AMZ1: variants seen among roughly 807,000 people sequenced by gnomAD.
AMZ1 encodes archaelysin family metallopeptidase 1.
AMZ1 carries 39 observed loss-of-function variants against 29.9 expected under a neutral mutation model. That is an observed-to-expected ratio of 1.30 (90% confidence interval 1.01 to 1.70). AMZ1 has a LOEUF of 1.70. Among genes scored for constraint, AMZ1 ranks in the 40% most tolerant of loss-of-function variants. The pLI is 0.00. For synonymous variants in AMZ1, 458 were observed against 304.0 expected (o/e 1.51, Z -5.27); for missense variants, 1,041 against 680.6 (o/e 1.53, Z -5.89).
chr7:2,762,909 G>A (rs931005904), upstream of AMZ1: 3 of 1,417,870 alleles, frequency 2.1e-6, no homozygotes, highest in African/African-American at 2.9e-5. Flanking sequence ...GCGGGGAGAA[G>A]AGGCCACAGG....
upstream of AMZ1, among the ~76,000 whole-genome samples, chr7:2,687,422 G>A (rs1030787623): frequency 2.0e-5 from 3 of 152,198 alleles, no homozygotes; most frequent in African/African-American, 7.2e-5. Flanking sequence ...GGGCATTTCT[G>A]CACGGTGAAG....
downstream of AMZ1, among the ~76,000 whole-genome samples, chr7:2,722,274 ATTTT>A (rs57939882): frequency 2.1e-5 from 3 of 145,428 alleles, no homozygotes; most frequent in South Asian, 4.4e-4. Flanking sequence ...GGCATTTCGA[ATTTT>A]TTTTTTTTTT....
In AMZ1 at chr7:2,709,123, C is replaced by T. The variant is rs769751094; in HGVS notation, c.650C>T (p.Ser217Leu). ...CGGTTCTCAGGGGAATTCCCGAAGT[C>T]GGGGCCCAGCGCCCCTGATCTGGCC... ...FARFSGEFPK[S>L]GPSAPDLALV... Residue 217 changes from serine to leucine, a missense_variant, in exon 5 of 7, where the codon TCG becomes TTG. Ser to Leu is a moderately radical substitution (Grantham distance 145). Coordinates refer to ENST00000683327, the MANE Select transcript of AMZ1 (RefSeq NM_001384743.1). 2.4e-5 allele frequency: 39 copies of T among 1,600,056 alleles called. No individual in the cohort carries two copies. The highest frequency in any genetic ancestry group is 2.0e-4 in the South Asian group (18 of 89,576).
At chr7:2,704,892 G>A (rs57053283) in intron 3 of AMZ1, among the ~76,000 whole-genome samples, 4,321 of 152,122 alleles carry the variant, frequency 0.028, 213 homozygotes, top group African/African-American at 0.098. Context: ...CACTGCGCCC[G>A]GCCCAGTGTC....
intron 3 of AMZ1, among the ~76,000 whole-genome samples, chr7:2,704,721 C>T (rs1013516280): frequency 3.3e-5 from 5 of 151,622 alleles, no homozygotes; most frequent in African/African-American, 4.9e-5. Flanking sequence ...GTCAGCCTCC[C>T]GAGTAGCTGG....
In AMZ1 at chr7:2,717,613, CAAAGAT is replaced by C. The variant is rs1477480324; in HGVS notation, c.*4739_*4744del. Reference sequence around the variant, plus strand: ...TATGGCTCTTGGAACACGAGGCTGTCAAAGATAAACACCGCAGGGTAATCTAGGAAA... The same window carrying C: ...TATGGCTCTTGGAACACGAGGCTGTCAAACACCGCAGGGTAATCTAGGAAA... On this transcript the variant is annotated 3_prime_UTR_variant, in exon 7 of 7. Transcript: ENST00000683327. Among the ~76,000 whole-genome samples, 1 of 152,194 alleles carries C rather than the reference CAAAGAT, an allele frequency of 6.6e-6. No homozygotes were observed. The highest frequency in any genetic ancestry group is 1.5e-5 in the Non-Finnish European group (1 of 68,050).
intron 4 of AMZ1, among the ~76,000 whole-genome samples, chr7:2,737,108 A>G (rs1312015046): frequency 1.3e-5 from 2 of 152,080 alleles, no homozygotes; most frequent in Admixed American, 1.3e-4. Flanking sequence ...TGAGAGGAAA[A>G]GGTAACCGTG....
At chr7:2,686,198 G>A (rs373575409), upstream of AMZ1, among the ~76,000 whole-genome samples, 6 of 152,292 alleles carry the variant, frequency 3.9e-5, no homozygotes, top group Admixed American at 6.5e-5. Context: ...GTGAAGTCAC[G>A]GGCCGCCTGC....
At chr7:2,719,764 T>TC (rs1266817013), downstream of AMZ1, among the ~76,000 whole-genome samples, 1 of 151,538 alleles carries the variant, frequency 6.6e-6, no homozygotes, top group African/African-American at 2.4e-5. Flanking sequence ...CACTGCAACC[T>TC]CTGCCTTCCA....
intron 1 of AMZ1, among the ~76,000 whole-genome samples, chr7:2,691,275 G>C (rs906643568): frequency 1.3e-5 from 2 of 148,356 alleles, no homozygotes; most frequent in Non-Finnish European, 2.9e-5. Flanking sequence ...TCAAGAGTAG[G>C]GGAAGGTCCG....
At chr7:2,763,707 G>A (rs967822645), upstream of AMZ1, among the ~76,000 whole-genome samples, 1 of 152,224 alleles carries the variant, frequency 6.6e-6, no homozygotes, top group South Asian at 2.1e-4. Context: ...GCTTGTCCAG[G>A]AAACCAAAGC....
intron 1 of AMZ1, among the ~76,000 whole-genome samples, chr7:2,696,039 C>T (rs1562360541): frequency 1.3e-5 from 2 of 149,404 alleles, no homozygotes; most frequent in South Asian, 4.2e-4. Context: ...AGGAAATGGA[C>T]ATAACTATTA....
Position 2,712,960 on chromosome 7 carries a change from C to T in AMZ1, c.*82C>T. 1 of 1,385,796 alleles carries T rather than the reference C, an allele frequency of 7.2e-7. No individual in the cohort carries two copies. The highest frequency in any genetic ancestry group is 9.4e-7 in the Non-Finnish European group (1 of 1,058,524). 85.8% of individuals were successfully genotyped at this position (1,385,796 alleles called of 1,614,324 possible). A position where few individuals can be genotyped will look rare whatever the true frequency, so the allele number is the denominator to read the frequency against. On this transcript the variant is annotated 3_prime_UTR_variant, in exon 7 of 7. Coordinates refer to ENST00000683327, the MANE Select transcript of AMZ1 (RefSeq NM_001384743.1). ...GTAGCTGAGGCCACTACTGACCTGC[C>T]AGGGATAAAGAGGAAGGGTCTGCCT...
At chr7:2,685,286 G>A (rs1001471502), upstream of AMZ1, among the ~76,000 whole-genome samples, 2 of 151,484 alleles carry the variant, frequency 1.3e-5, no homozygotes, top group Admixed American at 6.6e-5. Context: ...GGCCAGGCTC[G>A]GTGGCTCACG....
intron 2 of AMZ1, 89 bp from the exon 3 acceptor site, chr7:2,702,633 A>G: frequency 7.1e-7 from 1 of 1,418,332 alleles, no homozygotes; most frequent in Non-Finnish European, 9.3e-7. Flanking sequence ...TTGTTCACCC[A>G]GCAGGCCGGT....
intron 4 of AMZ1, among the ~76,000 whole-genome samples, chr7:2,751,028 A>G (rs1791008675): frequency 6.6e-6 from 1 of 152,204 alleles, no homozygotes; most frequent in Admixed American, 6.5e-5. Flanking sequence ...CAATGTTAAA[A>G]TATCAACACT....
downstream of AMZ1, among the ~76,000 whole-genome samples, chr7:2,719,996 A>T (rs1789350044): frequency 6.6e-6 from 1 of 152,228 alleles, no homozygotes; most frequent in South Asian, 2.1e-4. Flanking sequence ...TCCAAATTTT[A>T]AAAAGGGCTT....
chr7:2,737,264 GTTTTGTTTTGTT>G (rs1293981975), intron 4 of AMZ1, among the ~76,000 whole-genome samples: 2 of 52,450 alleles, frequency 3.8e-5, no homozygotes, highest in Non-Finnish European at 8.0e-5. Context: ...CTATCTCACA[GTTTTGTTTTGTT>G]TTTTTTTTTT....
intron 1 of AMZ1, chr7:2,764,966 G>C (rs970679025): frequency 3.6e-4 from 55 of 152,222 alleles, no homozygotes; most frequent in African/African-American, 1.2e-3. Context: ...TTGTACGGTG[G>C]AAAAGTAATA....
Sources: gnomAD v4.1 joint callset for allele counts (sites outside exome capture counted in the v4.1 genomes callset) on GRCh38, gnomAD v4.1.1 for gene constraint, MANE v1.5 for transcripts, NCBI Gene and HGNC (gene_info 2026-07-23, HGNC 2026-07-21) for gene names.